The following GALNT13 variants were observed in gnomAD, a reference collection of about 807,000 sequenced individuals.
GALNT13 encodes UDP-GalNAc:polypeptide N-acetylgalactosaminyltransferase 13.
Under a neutral mutation model 64.2 loss-of-function variants are expected in GALNT13, and 28 were observed. The observed-to-expected ratio is 0.44, with a 90% CI of 0.32 to 0.60. The LOEUF (loss-of-function observed/expected upper bound fraction) is 0.60. Among genes scored for constraint, GALNT13 ranks in the 20% least tolerant of loss-of-function variants. The pLI is 0.05. For missense variants in GALNT13, 577 were observed against 669.8 expected (o/e 0.86, Z 1.53); for synonymous variants, 214 against 224.6 (o/e 0.95, Z 0.42).
the GALNT13 span, among the ~76,000 whole-genome samples, chr2:153,337,121 A>G: frequency 5.9e-5 from 9 of 152,180 alleles, no homozygotes; most frequent in Admixed American, 1.3e-4. Context: ...CAGCAGCGTG[A>G]AAAATGGACT....
intron 1 of GALNT13, among the ~76,000 whole-genome samples, chr2:153,895,745 C>T (rs1262074696): frequency 6.6e-6 from 1 of 151,934 alleles, no homozygotes; most frequent in Non-Finnish European, 1.5e-5. Flanking sequence ...GCTACTTGAC[C>T]CAGAAATCCC....
the GALNT13 span, among the ~76,000 whole-genome samples, chr2:153,556,445 C>CT: frequency 6.6e-6 from 1 of 152,072 alleles, no homozygotes; most frequent in Non-Finnish European, 1.5e-5. Flanking sequence ...TTTTCATATA[C>CT]TTTTATAAAT....
At chr2:153,309,663 T>G in the GALNT13 span, among the ~76,000 whole-genome samples, 1 of 152,150 alleles carries the variant, frequency 6.6e-6, no homozygotes, top group Non-Finnish European at 1.5e-5. Flanking sequence ...CTGAGACCTC[T>G]TTTCTTAGAT....
the GALNT13 span, among the ~76,000 whole-genome samples, chr2:153,460,279 AT>A: frequency 1.2e-4 from 18 of 152,118 alleles, no homozygotes; most frequent in Non-Finnish European, 2.9e-5. Context: ...GTATAATTTT[AT>A]TTTTAGTCAC....
At chr2:153,916,669 G>C (rs1689370506) in intron 2 of GALNT13, among the ~76,000 whole-genome samples, 2 of 151,988 alleles carry the variant, frequency 1.3e-5, no homozygotes, top group South Asian at 4.2e-4. Flanking sequence ...ATATTCAAAG[G>C]GTTCATTGCA....
the GALNT13 span, among the ~76,000 whole-genome samples, chr2:153,714,044 G>T: frequency 6.6e-6 from 1 of 152,118 alleles, no homozygotes; most frequent in Admixed American, 6.5e-5. Flanking sequence ...TATGCTGAGG[G>T]CATTAGATGA....
the GALNT13 span, among the ~76,000 whole-genome samples, chr2:153,519,352 G>A: frequency 6.6e-6 from 1 of 152,122 alleles, no homozygotes; most frequent in Non-Finnish European, 1.5e-5. Context: ...ACTGGGCACA[G>A]CATGCCATAA....
At chr2:153,395,330 A>T in the GALNT13 span, among the ~76,000 whole-genome samples, 1 of 152,154 alleles carries the variant, frequency 6.6e-6, no homozygotes, top group African/African-American at 2.4e-5. Context: ...TCTGGCTACC[A>T]CATGGAGTCA....
intron 7 of GALNT13, 22 bp from the exon 8 acceptor site, chr2:154,258,999 C>G (rs1690541510): frequency 3.2e-6 from 4 of 1,248,446 alleles, no homozygotes; most frequent in Non-Finnish European, 4.7e-6. Context: ...ATATTCTTTT[C>G]TTTTTGTTTT....
intron 2 of GALNT13, among the ~76,000 whole-genome samples, chr2:153,924,842 C>T (rs1241605542): frequency 2.6e-5 from 4 of 151,978 alleles, no homozygotes; most frequent in Admixed American, 6.6e-5. Flanking sequence ...TGTTTGTTGG[C>T]CACATGTATG....
chr2:154,420,214 C>T (rs1245480305), intron 11 of GALNT13, among the ~76,000 whole-genome samples: 1 of 152,004 alleles, frequency 6.6e-6, no homozygotes, highest in African/African-American at 2.4e-5. Context: ...AATCTGTTAC[C>T]TGAAAAATTT....
At chr2:153,885,725 G>A (rs1460327087) in intron 1 of GALNT13, among the ~76,000 whole-genome samples, 1 of 152,092 alleles carries the variant, frequency 6.6e-6, no homozygotes, top group African/African-American at 2.4e-5. Context: ...GTTCACAGAT[G>A]TGAAGATATT....
At chr2:154,151,448 G>T (rs879167214) in intron 4 of GALNT13, among the ~76,000 whole-genome samples, 1 of 152,084 alleles carries the variant, frequency 6.6e-6, no homozygotes, top group African/African-American at 2.4e-5. Flanking sequence ...TATTAGGTCC[G>T]CTTGGTGCAG....
intron 3 of GALNT13, among the ~76,000 whole-genome samples, chr2:154,023,325 A>G (rs555511707): frequency 3.9e-5 from 6 of 152,040 alleles, no homozygotes; most frequent in East Asian, 1.9e-4. Context: ...GTGTGGGAGT[A>G]TAAGTCTCTT....
intron 3 of GALNT13, among the ~76,000 whole-genome samples, chr2:154,014,881 T>C (rs1437131504): frequency 6.6e-6 from 1 of 152,020 alleles, no homozygotes; most frequent in Non-Finnish European, 1.5e-5. Context: ...TCTGCCCGCC[T>C]CAGCCTCCCA....
intron 2 of GALNT13, among the ~76,000 whole-genome samples, chr2:153,910,710 G>A (rs1688880530): frequency 1.3e-5 from 2 of 152,110 alleles, no homozygotes; most frequent in Non-Finnish European, 2.9e-5. Flanking sequence ...TCATTCTGAA[G>A]CAGGTTAATT....
At chr2:153,698,480 T>C in the GALNT13 span, among the ~76,000 whole-genome samples, 2 of 151,830 alleles carry the variant, frequency 1.3e-5, no homozygotes, top group Non-Finnish European at 2.9e-5. Flanking sequence ...CTAGCAAAGA[T>C]CAAAAAAGAC....
intron 1 of GALNT13, among the ~76,000 whole-genome samples, chr2:153,885,172 T>C (rs987049956): frequency 6.6e-6 from 1 of 152,046 alleles, no homozygotes; most frequent in Non-Finnish European, 1.5e-5. Flanking sequence ...TTATTGAGAA[T>C]AAAGTGAACT....
chr2:153,448,456 T>C, the GALNT13 span, among the ~76,000 whole-genome samples: 1 of 152,198 alleles, frequency 6.6e-6, no homozygotes, highest in Non-Finnish European at 1.5e-5. Flanking sequence ...TTATGATAAA[T>C]CTTCTGATAT....
Sources: allele counts gnomAD v4.1 joint callset (sites outside exome capture counted in the v4.1 genomes callset), GRCh38; gene constraint gnomAD v4.1.1; transcripts MANE v1.5; gene names NCBI Gene and HGNC (gene_info 2026-07-23, HGNC 2026-07-21).